The following FBXL17 variants were observed in gnomAD, a reference collection of about 807,000 sequenced individuals.
FBXL17 encodes F-box and leucine rich repeat protein 17, also known as F-box/LRR-repeat protein 17.
In FBXL17, 22 loss-of-function variants were observed where a neutral mutation model predicts 66.2. That is an observed-to-expected ratio of 0.33 (90% CI 0.24 to 0.47). FBXL17 has a LOEUF of 0.47. Ranked by LOEUF, FBXL17 falls within the 20% of genes least tolerant of loss-of-function variation. FBXL17 has a pLI of 1.00. For synonymous variants in FBXL17, 474 were observed against 400.5 expected (o/e 1.18, Z -2.19); for missense variants, 878 against 948.2 (o/e 0.93, Z 0.97).
At chr5:107,933,074 C>T (rs187541800) in intron 7 of FBXL17, among the ~76,000 whole-genome samples, 2 of 152,248 alleles carry the variant, frequency 1.3e-5, no homozygotes, top group African/African-American at 4.8e-5. Context: ...GGCCATGTCA[C>T]TTTAAAAAAG....
chr5:108,243,344 TTC>T (rs2150103754), intron 4 of FBXL17, among the ~76,000 whole-genome samples: 1 of 152,354 alleles, frequency 6.6e-6, no homozygotes, highest in Admixed American at 6.5e-5. Context: ...AAACAGCTTA[TTC>T]TCTGACTGTT....
chr5:107,905,872 C>T (rs1749738127), intron 7 of FBXL17, among the ~76,000 whole-genome samples: 2 of 152,152 alleles, frequency 1.3e-5, no homozygotes. Flanking sequence ...CAGCTACAGC[C>T]TCCTGTGGTA....
intron 4 of FBXL17, among the ~76,000 whole-genome samples, chr5:108,235,360 G>A (rs531418060): frequency 4.6e-5 from 7 of 152,172 alleles, no homozygotes; most frequent in African/African-American, 1.7e-4. Context: ...TCGTAACAAT[G>A]GCTAACTGGA....
intron 7 of FBXL17, among the ~76,000 whole-genome samples, chr5:107,900,176 A>C (rs1369121154): frequency 2.0e-5 from 3 of 152,210 alleles, no homozygotes; most frequent in Admixed American, 6.5e-5. Flanking sequence ...TGCTAAAATA[A>C]GTTTATTAAC....
chr5:108,091,795 A>G (rs1288382217), intron 6 of FBXL17, among the ~76,000 whole-genome samples: 2 of 152,226 alleles, frequency 1.3e-5, no homozygotes, highest in African/African-American at 4.8e-5. Context: ...TTAAATTTGC[A>G]TTTTGCTTAA....
intron 2 of FBXL17, among the ~76,000 whole-genome samples, chr5:108,366,915 C>T (rs900637693): frequency 6.6e-6 from 1 of 152,098 alleles, no homozygotes; most frequent in Non-Finnish European, 1.5e-5. Context: ...CTGGAGTTGG[C>T]TTGTAGCACC....
chr5:108,058,578 G>A (rs1747804350), intron 6 of FBXL17, among the ~76,000 whole-genome samples: 1 of 151,852 alleles, frequency 6.6e-6, no homozygotes, highest in Admixed American at 6.6e-5. Context: ...TCAGCATGCT[G>A]GGTTCAAGCC....
At position 108,309,140 on chromosome 5, in the gene FBXL17, A is replaced by C. The variant is rs534267309; in HGVS notation, c.1506+39259T>G. ...CATATAGACTATGATACATCAATAC[A>C]ATGGAAGACCAAAGTCGTTTTTTAA... On this transcript the variant is annotated intron_variant, in intron 4 of 8. Transcript: ENST00000542267. 2.6e-5 allele frequency among the ~76,000 whole-genome samples: 4 copies of C among 152,210 alleles called. No individual in the cohort carries two copies. In the South Asian group the frequency reaches 8.3e-4, roughly 32 times the overall value.
In FBXL17 at chr5:107,881,031, T is replaced by A; in HGVS notation, c.1965+6A>T. The A allele has an allele frequency of 6.2e-7, 1 of 1,614,110 alleles. No individual in the cohort carries two copies. The highest frequency in any genetic ancestry group is 1.1e-5 in the South Asian group (1 of 91,088). On this transcript the variant is annotated splice_donor_region_variant and intron_variant, in intron 8 of 8. Coordinates refer to ENST00000542267, the MANE Select transcript of FBXL17 (RefSeq NM_001163315.3). ...GAAAGCAAACAACTTGATAGTCAAC[T>A]CTTACTTTATCACATCTCATCAGCC...
chr5:108,064,919 A>G (rs765700376), intron 6 of FBXL17, among the ~76,000 whole-genome samples: 5 of 152,002 alleles, frequency 3.3e-5, no homozygotes, highest in Non-Finnish European at 7.4e-5. Flanking sequence ...ACTGCTTTTT[A>G]ATTTTAGCTT....
chr5:108,018,554 C>G (rs1160601029), intron 7 of FBXL17, among the ~76,000 whole-genome samples: 1 of 152,128 alleles, frequency 6.6e-6, no homozygotes, highest in Non-Finnish European at 1.5e-5. Context: ...AACCTATCAA[C>G]ATTTCCCTCT....
At chr5:108,309,277 A>G (rs1759001343) in intron 4 of FBXL17, among the ~76,000 whole-genome samples, 3 of 152,020 alleles carry the variant, frequency 2.0e-5, no homozygotes, top group South Asian at 2.1e-4. Flanking sequence ...AAATACATAC[A>G]TTTATATCTG....
chr5:108,306,674 G>C (rs187581174), intron 4 of FBXL17, among the ~76,000 whole-genome samples: 1 of 152,078 alleles, frequency 6.6e-6, no homozygotes, highest in Admixed American at 6.6e-5. Flanking sequence ...TCTGTGGTTT[G>C]TCAAGTATTC....
At chr5:108,314,776 C>T (rs1251642616) in intron 4 of FBXL17, among the ~76,000 whole-genome samples, 2 of 151,326 alleles carry the variant, frequency 1.3e-5, no homozygotes, top group Non-Finnish European at 3.0e-5. Context: ...CTACTACTAT[C>T]CTATGTTTAT....
chr5:107,990,951 A>C (rs139396776), intron 7 of FBXL17, among the ~76,000 whole-genome samples: 384 of 152,358 alleles, frequency 2.5e-3, no homozygotes, highest in Non-Finnish European at 4.2e-3. Context: ...ATCGACTCTC[A>C]GAATGATGCC....
intron 7 of FBXL17, among the ~76,000 whole-genome samples, chr5:107,952,158 C>A (rs367778561): frequency 2.8e-4 from 43 of 152,186 alleles, no homozygotes; most frequent in South Asian, 1.2e-3. Context: ...CACATATATG[C>A]CAATTTATGT....
intron 6 of FBXL17, among the ~76,000 whole-genome samples, chr5:108,055,210 A>T (rs113392762): frequency 0.016 from 2,388 of 146,178 alleles, 65 homozygotes; most frequent in African/African-American, 0.057. Context: ...TTACCAGATG[A>T]GTATTCTCCA....
At chr5:107,958,484 G>C (rs1389051981) in intron 7 of FBXL17, among the ~76,000 whole-genome samples, 1 of 152,166 alleles carries the variant, frequency 6.6e-6, no homozygotes, top group Non-Finnish European at 1.5e-5. Flanking sequence ...TGAAAAGAAA[G>C]AAAAGCTTAA....
At chr5:108,362,746 A>C (rs939012292) in intron 3 of FBXL17, among the ~76,000 whole-genome samples, 16 of 152,158 alleles carry the variant, frequency 1.1e-4, no homozygotes, top group African/African-American at 3.9e-4. Context: ...TGCTATAAGC[A>C]ACTGTTTTTG....
Sources: gnomAD v4.1 joint callset for allele counts (sites outside exome capture counted in the v4.1 genomes callset) on GRCh38, gnomAD v4.1.1 for gene constraint, MANE v1.5 for transcripts, NCBI Gene and HGNC (gene_info 2026-07-23, HGNC 2026-07-21) for gene names.